The following ADAM23 variants were observed in gnomAD, a reference collection of about 807,000 sequenced individuals.
ADAM23 encodes ADAM metallopeptidase domain 23.
A neutral mutation model predicts 120.1 loss-of-function variants in ADAM23; 33 were observed. That is an observed-to-expected ratio of 0.27 (90% CI 0.21 to 0.37). The LOEUF (loss-of-function observed/expected upper bound fraction) is 0.37, where lower values mean the gene tolerates loss of function less well. Among genes scored for constraint, ADAM23 ranks in the 10% least tolerant of loss-of-function variants. ADAM23 has a pLI of 1.00. For missense variants in ADAM23, 862 were observed against 1,058.2 expected, an observed-to-expected ratio of 0.81 and a Z score of 2.57; for synonymous variants, 367 against 375.2, an observed-to-expected ratio of 0.98 and a Z score of 0.25.
chr2:206,468,046 G>T (rs1695577898), intron 2 of ADAM23, among the ~76,000 whole-genome samples: 1 of 152,146 alleles, frequency 6.6e-6, no homozygotes, highest in African/African-American at 2.4e-5. Context: ...AGTGCCCTGG[G>T]CTTGGCCAGT....
At chr2:206,523,324 A>G (rs539497260) in intron 3 of ADAM23, among the ~76,000 whole-genome samples, 4 of 152,150 alleles carry the variant, frequency 2.6e-5, no homozygotes, top group Non-Finnish European at 4.4e-5. Context: ...AAAAACCTCT[A>G]TAACCTATTC....
intron 4 of ADAM23, among the ~76,000 whole-genome samples, chr2:206,540,993 T>G (rs1416321195): frequency 6.7e-6 from 1 of 148,732 alleles, no homozygotes; most frequent in Non-Finnish European, 1.5e-5. Context: ...AAATTTATTA[T>G]TATTTATTTT....
At chr2:206,474,030 A>AC (rs1405540368) in intron 2 of ADAM23, among the ~76,000 whole-genome samples, 1 of 151,600 alleles carries the variant, frequency 6.6e-6, no homozygotes, top group African/African-American at 2.4e-5. Flanking sequence ...AAAAACAAAA[A>AC]AAAAAAACCA....
At chr2:206,576,044 A>G (rs1267640632) in intron 18 of ADAM23, among the ~76,000 whole-genome samples, 3 of 152,222 alleles carry the variant, frequency 2.0e-5, no homozygotes, top group South Asian at 2.1e-4. Flanking sequence ...GAAATGGTAC[A>G]GTGAAATATG....
chr2:206,543,105 G>T, intron 5 of ADAM23, 148 bp from the exon 6 acceptor site: 1 of 674,026 alleles, frequency 1.5e-6, no homozygotes. Context: ...ACTCCATGCA[G>T]ATATGTGAAT....
At chr2:206,510,921 A>G (rs1250863622) in intron 3 of ADAM23, among the ~76,000 whole-genome samples, 1 of 152,162 alleles carries the variant, frequency 6.6e-6, no homozygotes, top group Non-Finnish European at 1.5e-5. Context: ...GGAACATGGT[A>G]TAGTTTTTTG....
intron 20 of ADAM23, 78 bp downstream of exon 20, chr2:206,588,232 G>A (rs1160793139): frequency 6.8e-7 from 1 of 1,463,436 alleles, no homozygotes; most frequent in Admixed American, 1.8e-5. Flanking sequence ...GTCTTGCTGA[G>A]AGAGATGCAC....
intron 8 of ADAM23, 40 bp from the exon 9 acceptor site, chr2:206,550,055 G>A (rs754105212): frequency 7.6e-7 from 1 of 1,315,636 alleles, no homozygotes; most frequent in Non-Finnish European, 1.1e-6. Context: ...GAGATTTTAT[G>A]TCAATCACTA....
intron 16 of ADAM23, 123 bp downstream of exon 16, chr2:206,570,934 T>C (rs2105830521): frequency 2.5e-6 from 2 of 793,146 alleles, no homozygotes; most frequent in Non-Finnish European, 4.2e-6. Context: ...ATCTCTCTGA[T>C]TAGTGCTTAA....
chr2:206,536,934 G>A (rs1697189342), intron 4 of ADAM23, among the ~76,000 whole-genome samples: 1 of 152,050 alleles, frequency 6.6e-6, no homozygotes, highest in Non-Finnish European at 1.5e-5. Context: ...TCGAACTCCT[G>A]ACCTCAAGTG....
intron 8 of ADAM23, among the ~76,000 whole-genome samples, 181 bp downstream of exon 8, chr2:206,548,535 T>C (rs1019998143): frequency 2.0e-5 from 3 of 151,952 alleles, no homozygotes; most frequent in African/African-American, 7.3e-5. Flanking sequence ...TTTATTGATC[T>C]CTTTCTGTTA....
At position 206,602,163 on chromosome 2, in the gene ADAM23, A is replaced by AT. The variant is rs1410935921; in HGVS notation, c.2359+6006dup. On this transcript the variant is annotated intron_variant, in intron 24 of 25. Transcript: ENST00000264377. ...ATGTATAATTATGTGCTACCTGGAT[A>AT]TTTTTCTCAAATAACAATGGCCTTA... is the stretch of plus-strand genomic sequence containing the variant. Among the ~76,000 whole-genome samples, 3 of 152,268 alleles carry AT rather than the reference A, an allele frequency of 2.0e-5. No homozygotes were observed. The East Asian group carries it at 5.8e-4, about 29-fold the overall frequency.
Position 206,573,164 on chromosome 2 carries a change from T to C in ADAM23, c.1706T>C (p.Ile569Thr). The C allele has an allele frequency of 1.2e-6, 2 of 1,614,010 alleles. No homozygotes were observed. The highest frequency in any genetic ancestry group is 1.7e-6 in the Non-Finnish European group (2 of 1,179,888). ...CGGGATGCTGTGAACGAGTGTGATATTACTGAATATTGTACTGGAGACTCT... is the reference window on the plus strand; with the variant it reads ...CGGGATGCTGTGAACGAGTGTGATACTACTGAATATTGTACTGGAGACTCT... The part of the protein sequence containing the change: ...ECRDAVNECD[I>T]TEYCTGDSGQ... Residue 569 changes from isoleucine to threonine, a missense_variant, in exon 18 of 26, where the codon ATT becomes ACT. Ile to Thr is a moderately conservative substitution (Grantham distance 89). Around this residue, in one of 4 missense-constraint regions of ADAM23, gnomAD observed 617 missense variants for 813.5 expected, o/e 0.76. Coordinates refer to ENST00000264377, the MANE Select transcript of ADAM23 (RefSeq NM_003812.4).
chr2:206,586,810 T>C (rs1046483070), intron 18 of ADAM23, among the ~76,000 whole-genome samples: 1 of 152,240 alleles, frequency 6.6e-6, no homozygotes, highest in Non-Finnish European at 1.5e-5. Flanking sequence ...TGTCTGCAGT[T>C]TGAAGAGGTC....
intron 6 of ADAM23, among the ~76,000 whole-genome samples, chr2:206,543,899 G>A (rs1383927893): frequency 6.6e-6 from 1 of 152,148 alleles, no homozygotes; most frequent in Non-Finnish European, 1.5e-5. Flanking sequence ...CAAACATTGT[G>A]TGTTCTCATT....
intron 18 of ADAM23, among the ~76,000 whole-genome samples, chr2:206,586,962 C>G (rs1698333405): frequency 6.6e-6 from 1 of 152,140 alleles, no homozygotes; most frequent in Non-Finnish European, 1.5e-5. Context: ...TGAGCAACTT[C>G]TTGTAAATTA....
intron 3 of ADAM23, among the ~76,000 whole-genome samples, chr2:206,516,792 G>A (rs1258616133): frequency 1.3e-5 from 2 of 152,026 alleles, no homozygotes; most frequent in African/African-American, 4.8e-5. Context: ...TAGAACTAGT[G>A]TAAAAAGAAA....
chr2:206,610,066 A>C, intron 25 of ADAM23, 66 bp downstream of exon 25: 1 of 1,368,066 alleles, frequency 7.3e-7, no homozygotes, highest in Non-Finnish European at 9.7e-7. Context: ...TACATAACCA[A>C]GTTTTGAGTT....
chr2:206,556,026 A>C (rs989128424), intron 9 of ADAM23, among the ~76,000 whole-genome samples: 2 of 152,196 alleles, frequency 1.3e-5, no homozygotes, highest in African/African-American at 4.8e-5. Flanking sequence ...ATTTCAGATT[A>C]ATAGGATGTT....
Sources: gnomAD v4.1 joint callset for allele counts (sites outside exome capture counted in the v4.1 genomes callset) on GRCh38, gnomAD v4.1.1 for gene constraint, gnomAD v4.1.1 regional missense constraint, MANE v1.5 for transcripts, NCBI Gene and HGNC (gene_info 2026-07-23, HGNC 2026-07-21) for gene names.